FAM135B: variants seen among roughly 807,000 people sequenced by gnomAD.
FAM135B encodes family with sequence similarity 135 member B.
Under a neutral mutation model 127.7 loss-of-function variants are expected in FAM135B, and 43 were observed. That is an observed-to-expected ratio of 0.34 (90% CI 0.26 to 0.43). The LOEUF is 0.43. Among genes scored for constraint, FAM135B ranks in the 20% least tolerant of loss-of-function variants. The pLI, the probability that FAM135B is intolerant of heterozygous loss-of-function variation, is 1.00. For missense variants in FAM135B, 1,558 were observed against 1,725.6 expected (o/e 0.90, Z 1.72); for synonymous variants, 670 against 665.1 (o/e 1.01, Z -0.11).
rs150218533 is a variant in FAM135B, at chr8:138,366,186, T to C, written c.77+1721A>G. On this transcript the variant is annotated intron_variant, in intron 2 of 19. Coordinates refer to ENST00000395297, the MANE Select transcript of FAM135B (RefSeq NM_015912.4). ...TCTACTTCCCTAATCCCAAGTTATC[T>C]ATCTGGTAAATGAAGATAATACTGC... is the stretch of plus-strand genomic sequence containing the variant. Among the ~76,000 whole-genome samples the C allele has an allele frequency of 1.4e-3, 213 of 152,340 alleles. 2 individuals carry two copies. The highest frequency in any genetic ancestry group is 2.8e-3 in the Non-Finnish European group (190 of 68,034).
chr8:138,186,471 G>A (rs529363222), intron 9 of FAM135B, among the ~76,000 whole-genome samples: 31 of 152,268 alleles, frequency 2.0e-4, no homozygotes, highest in Admixed American at 1.4e-3. Flanking sequence ...GAGACCAGGA[G>A]CTGGCGATGC....
intron 1 of FAM135B, among the ~76,000 whole-genome samples, chr8:138,485,786 C>G (rs1814961352): frequency 6.6e-6 from 1 of 151,948 alleles, no homozygotes; most frequent in Non-Finnish European, 1.5e-5. Flanking sequence ...ATCACTGGGC[C>G]AGAGGAATCC....
chr8:138,374,170 T>C (rs994116547), intron 1 of FAM135B, among the ~76,000 whole-genome samples: 2 of 152,202 alleles, frequency 1.3e-5, no homozygotes, highest in Non-Finnish European at 2.9e-5. Flanking sequence ...TTAAAATTTC[T>C]CTCTTTTGTA....
chr8:138,464,518 C>G (rs1276602060), intron 1 of FAM135B, among the ~76,000 whole-genome samples: 8 of 152,160 alleles, frequency 5.3e-5, no homozygotes, highest in African/African-American at 1.9e-4. Context: ...ACAGAGTCCT[C>G]TTGGGTGTCT....
intron 1 of FAM135B, among the ~76,000 whole-genome samples, chr8:138,376,376 C>G (rs1291900415): frequency 6.6e-6 from 1 of 152,222 alleles, no homozygotes; most frequent in African/African-American, 2.4e-5. Flanking sequence ...TCAGCATCCT[C>G]TTTCCTGAAT....
intron 15 of FAM135B, among the ~76,000 whole-genome samples, chr8:138,143,395 C>T (rs548516748): frequency 6.6e-5 from 10 of 152,246 alleles, no homozygotes; most frequent in Admixed American, 1.3e-4. Context: ...GGCGTGTCAG[C>T]GTGACACTGG....
In FAM135B at chr8:138,403,074, A is replaced by G. The variant is rs114396889; in HGVS notation, c.-19-35072T>C. On this transcript the variant is annotated intron_variant, in intron 1 of 19. Transcript: ENST00000395297. ...CCTTGATCGTGGAGACCCCAGCCTC[A>G]GAACTGTGAGAAATAAGTGTTTGCT... Among the ~76,000 whole-genome samples the G allele has an allele frequency of 7.1e-3, 1,082 of 152,308 alleles. 22 individuals are homozygous for G. The highest frequency in any genetic ancestry group is 0.025 in the African/African-American group (1,042 of 41,578).
intron 2 of FAM135B, among the ~76,000 whole-genome samples, chr8:138,335,097 T>C (rs1828468483): frequency 6.6e-6 from 1 of 152,232 alleles, no homozygotes; most frequent in Non-Finnish European, 1.5e-5. Flanking sequence ...TACTGTGATT[T>C]TTTGTTCAAC....
intron 3 of FAM135B, among the ~76,000 whole-genome samples, chr8:138,304,927 G>A (rs917132252): frequency 6.6e-6 from 1 of 152,188 alleles, no homozygotes; most frequent in African/African-American, 2.4e-5. Context: ...GCTTAATCAG[G>A]AAGGCCACTC....
At chr8:138,178,075 T>C (rs1306801025) in intron 10 of FAM135B, among the ~76,000 whole-genome samples, 7 of 151,762 alleles carry the variant, frequency 4.6e-5, no homozygotes, top group Admixed American at 2.6e-4. Flanking sequence ...TGAAACCCCA[T>C]CTCTACTAAA....
chr8:138,166,852 C>T (rs983055590), intron 12 of FAM135B, among the ~76,000 whole-genome samples: 4 of 152,110 alleles, frequency 2.6e-5, no homozygotes, highest in African/African-American at 9.7e-5. Flanking sequence ...ATCCTACCAA[C>T]CTGTAGTTCA....
At chr8:138,472,346 A>C (rs1182325370) in intron 1 of FAM135B, among the ~76,000 whole-genome samples, 1 of 152,182 alleles carries the variant, frequency 6.6e-6, no homozygotes, top group Non-Finnish European at 1.5e-5. Flanking sequence ...GAGATCCAAA[A>C]CAGGAGGGAG....
Position 138,153,133 on chromosome 8 carries a change from A to G in FAM135B, c.1342T>C (p.Cys448Arg). Residue 448 changes from cysteine to arginine, a missense_variant, in exon 13 of 20, where the codon TGT becomes CGT. Cys to Arg is a radical substitution (Grantham distance 180). Around this residue, in one of 5 missense-constraint regions of FAM135B, gnomAD observed 923 missense variants for 865.3 expected, o/e 1.07. Transcript: ENST00000395297. Reference protein sequence around the residue: ...IMNLKDKEDNCMVNSNLSFRE... With the variant: ...IMNLKDKEDNRMVNSNLSFRE... The stretch of plus-strand genomic sequence containing the variant: ...AAAGATAAATTGCTATTTACCATAC[A>G]GTTATCTTCCTTGTCTTTCAGATTC... The G allele has an allele frequency of 6.2e-7, 1 of 1,612,902 alleles. No individual in the cohort carries two copies. The highest frequency in any genetic ancestry group is 8.5e-7 in the Non-Finnish European group (1 of 1,179,038).
At chr8:138,404,465 A>T (rs888687650) in intron 1 of FAM135B, among the ~76,000 whole-genome samples, 1 of 152,202 alleles carries the variant, frequency 6.6e-6, no homozygotes, top group Non-Finnish European at 1.5e-5. Context: ...TAAGACAACA[A>T]TGAAGTTTGC....
chr8:138,197,339 T>C (rs1318155736), intron 8 of FAM135B, among the ~76,000 whole-genome samples, 177 bp downstream of exon 8: 2 of 152,236 alleles, frequency 1.3e-5, no homozygotes, highest in Non-Finnish European at 2.9e-5. Context: ...CTTCTCTTAC[T>C]GCATTTGCAT....
chr8:138,200,869 A>G (rs1817062112), intron 7 of FAM135B, among the ~76,000 whole-genome samples: 1 of 152,216 alleles, frequency 6.6e-6, no homozygotes, highest in South Asian at 2.1e-4. Flanking sequence ...CATTTCATAG[A>G]TCAAAAGACT....
chr8:138,370,227 A>G (rs1157699200), intron 1 of FAM135B, among the ~76,000 whole-genome samples: 1 of 152,170 alleles, frequency 6.6e-6, no homozygotes, highest in Admixed American at 6.5e-5. Flanking sequence ...TATTTAACGC[A>G]TGGAGAATAC....
chr8:138,322,680 A>G (rs564620175), intron 2 of FAM135B, among the ~76,000 whole-genome samples: 4 of 152,354 alleles, frequency 2.6e-5, no homozygotes, highest in African/African-American at 9.6e-5. Flanking sequence ...GCCAGGTATG[A>G]TAAACATAAC....
At chr8:138,390,605 T>C (rs1554682071) in intron 1 of FAM135B, among the ~76,000 whole-genome samples, 1 of 152,116 alleles carries the variant, frequency 6.6e-6, no homozygotes, top group Non-Finnish European at 1.5e-5. Flanking sequence ...GCAGAGTAGG[T>C]ACAAGATAAA....
Sources: gnomAD v4.1 joint callset for allele counts (sites outside exome capture counted in the v4.1 genomes callset) on GRCh38, gnomAD v4.1.1 for gene constraint, gnomAD v4.1.1 regional missense constraint, MANE v1.5 for transcripts, NCBI Gene and HGNC (gene_info 2026-07-23, HGNC 2026-07-21) for gene names.